The following NRXN1 variants were observed in gnomAD, a reference collection of about 807,000 sequenced individuals.
The protein encoded by NRXN1 is neurexin 1, also known as neurexin-1.
A neutral mutation model predicts 150.9 loss-of-function variants in NRXN1; 39 were observed. The observed-to-expected ratio is 0.26, with a 90% confidence interval of 0.20 to 0.34. The LOEUF (loss-of-function observed/expected upper bound fraction) is 0.34. Ranked by LOEUF, NRXN1 falls within the 10% of genes least tolerant of loss-of-function variation. The probability of loss-of-function intolerance (pLI) is 1.00; values close to 1 mark genes in which losing one functional copy is unlikely to be tolerated. For synonymous variants in NRXN1, 924 were observed against 757.0 expected, an observed-to-expected ratio of 1.22 and a Z score of -3.62; for missense variants, 1,815 against 1,949.9, an observed-to-expected ratio of 0.93 and a Z score of 1.30.
Position 50,464,197 on chromosome 2 carries a change from C to T in NRXN1, c.3364+1245G>A, listed in dbSNP as rs114849915. On this transcript the variant is annotated intron_variant, in intron 17 of 22. Transcript: ENST00000401669. ...TGATAGTTTGAATACATGTTTATTG[C>T]TTCAGGTTTACTGTAATTCTATGGG... is the stretch of plus-strand genomic sequence containing the variant. Among the ~76,000 whole-genome samples, 554 of 151,808 alleles carry T rather than the reference C, an allele frequency of 3.6e-3. 2 individuals are homozygous for T. The highest frequency in any genetic ancestry group is 0.012 in the African/African-American group (503 of 41,460).
chr2:50,823,127 T>C lies in NRXN1; in HGVS notation c.832+98742A>G, dbSNP rs139730908. On this transcript the variant is annotated intron_variant, in intron 5 of 22. Coordinates refer to ENST00000401669, the MANE Select transcript of NRXN1 (RefSeq NM_001330078.2). ...TGAGTTGTCATTTTAATTATTTGCA[T>C]ATTAAGATCTCTGCAGGCAGGCAAT... Among the ~76,000 whole-genome samples, 63 of 152,304 alleles carry C rather than the reference T, an allele frequency of 4.1e-4. No individual in the cohort carries two copies. The East Asian group carries it at 0.012, about 29-fold the overall frequency.
chr2:50,631,466 G>C (rs1022807692), intron 5 of NRXN1: 5 of 160,744 alleles, frequency 3.1e-5, no homozygotes, highest in African/African-American at 1.2e-4. Context: ...CAAAACTATG[G>C]TCACATAACT....
At chr2:50,444,000 T>C (rs948002815) in intron 17 of NRXN1, among the ~76,000 whole-genome samples, 5 of 152,200 alleles carry the variant, frequency 3.3e-5, no homozygotes, top group African/African-American at 9.6e-5. Context: ...CTTGGTATTA[T>C]AGATGGACTG....
intron 5 of NRXN1, among the ~76,000 whole-genome samples, chr2:50,833,694 A>T (rs569872415): frequency 6.6e-6 from 1 of 152,324 alleles, no homozygotes; most frequent in South Asian, 2.1e-4. Flanking sequence ...ATTGTTGGGC[A>T]TTGGAACTGT....
intron 17 of NRXN1, among the ~76,000 whole-genome samples, chr2:50,418,481 C>T (rs769628824): frequency 6.6e-6 from 1 of 152,060 alleles, no homozygotes; most frequent in East Asian, 1.9e-4. Flanking sequence ...CTTTGAGTGA[C>T]TGGAACGGAG....
At chr2:50,983,931 A>C (rs1697255615) in intron 2 of NRXN1, among the ~76,000 whole-genome samples, 1 of 151,838 alleles carries the variant, frequency 6.6e-6, no homozygotes, top group African/African-American at 2.4e-5. Context: ...AAAAAGCTAG[A>C]GCAAACATTC....
rs144043740 is a variant in NRXN1 at position 50,492,357 on chromosome 2, G to T, written c.3070+3548C>A. Among the ~76,000 whole-genome samples the T allele has an allele frequency of 5.2e-3, 786 of 152,224 alleles. 5 individuals are homozygous for T. The highest frequency in any genetic ancestry group is 8.1e-3 in the Non-Finnish European group (552 of 68,020). Reference sequence around the variant, plus strand: ...TGTCATGAGAGATAAGCTGAACAAGGCCAGCTGCATGGAATTTATCTTCTG... The same window carrying T: ...TGTCATGAGAGATAAGCTGAACAAGTCCAGCTGCATGGAATTTATCTTCTG... On this transcript the variant is annotated intron_variant, in intron 15 of 22. Transcript: ENST00000401669.
intron 21 of NRXN1, among the ~76,000 whole-genome samples, chr2:50,021,306 CTA>C (rs1158514277): frequency 6.6e-6 from 1 of 152,116 alleles, no homozygotes; most frequent in Non-Finnish European, 1.5e-5. Context: ...CGGAAAATAT[CTA>C]TGAAACTTTA....
chr2:50,115,409 A>C (rs1702926273), intron 18 of NRXN1, among the ~76,000 whole-genome samples: 1 of 151,834 alleles, frequency 6.6e-6, no homozygotes, highest in Non-Finnish European at 1.5e-5. Flanking sequence ...TCTTCAGCAC[A>C]AACTGATTTT....
intron 2 of NRXN1, among the ~76,000 whole-genome samples, chr2:50,970,763 A>C (rs1694871700): frequency 6.6e-6 from 1 of 151,922 alleles, no homozygotes; most frequent in Admixed American, 6.6e-5. Context: ...TCTATTATTG[A>C]ATAACAGCCT....
chr2:50,298,383 G>A (rs2073831258), intron 17 of NRXN1, among the ~76,000 whole-genome samples: 1 of 152,120 alleles, frequency 6.6e-6, no homozygotes, highest in Non-Finnish European at 1.5e-5. Context: ...GCCTCAGTTT[G>A]ATGACAGCTT....
chr2:50,422,126 A>G (rs1402730301), intron 17 of NRXN1, among the ~76,000 whole-genome samples: 1 of 152,192 alleles, frequency 6.6e-6, no homozygotes, highest in African/African-American at 2.4e-5. Flanking sequence ...TAAACTTGTC[A>G]GCTATAAAAT....
At chr2:50,951,904 G>C (rs940229793) in intron 2 of NRXN1, among the ~76,000 whole-genome samples, 32 of 141,852 alleles carry the variant, frequency 2.3e-4, no homozygotes, top group Non-Finnish European at 3.0e-4. Context: ...GATTATCTAT[G>C]AATTTCATTT....
At chr2:50,244,591 A>G (rs1354269327) in intron 17 of NRXN1, among the ~76,000 whole-genome samples, 1 of 151,950 alleles carries the variant, frequency 6.6e-6, no homozygotes. Flanking sequence ...ATAAATTCAG[A>G]AACAGCCTTT....
intron 18 of NRXN1, chr2:50,175,199 C>T (rs1293602682): frequency 1.3e-5 from 2 of 152,282 alleles, no homozygotes; most frequent in South Asian, 2.1e-4. Flanking sequence ...AACAGGCCAT[C>T]CTGATAAGAA....
chr2:50,370,139 G>C (rs758429767), intron 17 of NRXN1, among the ~76,000 whole-genome samples: 2 of 151,844 alleles, frequency 1.3e-5, no homozygotes, highest in African/African-American at 2.4e-5. Flanking sequence ...CCCATGTATT[G>C]TTATTCTATC....
At chr2:50,240,453 A>G (rs949067413) in intron 17 of NRXN1, among the ~76,000 whole-genome samples, 1 of 151,680 alleles carries the variant, frequency 6.6e-6, no homozygotes, top group Non-Finnish European at 1.5e-5. Context: ...CTTTGCATCA[A>G]ACTTTACAAA....
chr2:50,588,358 T>C (rs1300011663), intron 8 of NRXN1, among the ~76,000 whole-genome samples: 1 of 152,142 alleles, frequency 6.6e-6, no homozygotes, highest in Non-Finnish European at 1.5e-5. Flanking sequence ...ACTGTGACAC[T>C]GGGTCTTTGA....
At chr2:50,537,083 C>T (rs1034905700) in intron 10 of NRXN1, among the ~76,000 whole-genome samples, 3 of 151,980 alleles carry the variant, frequency 2.0e-5, no homozygotes, top group African/African-American at 7.3e-5. Context: ...AGTTGATGTA[C>T]CTCCTTTTTA....
Sources: allele counts gnomAD v4.1 joint callset (sites outside exome capture counted in the v4.1 genomes callset), GRCh38; gene constraint gnomAD v4.1.1; transcripts MANE v1.5; gene names NCBI Gene and HGNC (gene_info 2026-07-23, HGNC 2026-07-21).